NAV3: variants seen among roughly 807,000 people sequenced by gnomAD.
NAV3 encodes pore membrane and/or filament interacting like protein 1.
NAV3 carries 87 observed loss-of-function variants against 244.7 expected under a neutral mutation model. The observed-to-expected ratio is 0.36, with a 90% CI of 0.30 to 0.42. The LOEUF (loss-of-function observed/expected upper bound fraction) is 0.42. Ranked by LOEUF, NAV3 falls within the 20% of genes least tolerant of loss-of-function variation. The probability of loss-of-function intolerance (pLI) is 1.00; values close to 1 mark genes in which losing one functional copy is unlikely to be tolerated. For missense variants in NAV3, 2,663 were observed against 2,893.3 expected (o/e 0.92, Z 1.83); for synonymous variants, 1,126 against 1,042.2 (o/e 1.08, Z -1.55).
chr12:78,122,341 G>A lies in NAV3; in HGVS notation c.4151G>A (p.Gly1384Asp), dbSNP rs1036670272. Residue 1384 changes from glycine to aspartate, a missense_variant, in exon 16 of 40, where the codon GGC becomes GAC. Gly to Asp is a moderately conservative substitution (Grantham distance 94, BLOSUM62 -1). Coordinates refer to ENST00000397909, the MANE Select transcript of NAV3 (RefSeq NM_001024383.2). ...ATTGACCTCCCCCTCAGCCATCATGGCTCCTTGTCTGGACTGACCACAGGC... is the reference window on the plus strand; with the variant it reads ...ATTGACCTCCCCCTCAGCCATCATGACTCCTTGTCTGGACTGACCACAGGC... Reference protein sequence around the residue: ...ESIDLPLSHHGSLSGLTTGTH... With the variant: ...ESIDLPLSHHDSLSGLTTGTH... The A allele has an allele frequency of 6.2e-7, 1 of 1,614,056 alleles. No homozygotes were observed. Among genetic ancestry groups the A allele is most frequent in the Non-Finnish European group, 8.5e-7 (1 of 1,180,000 alleles).
At chr12:77,616,685 C>G (rs1371471546) in intron 2 of NAV3, among the ~76,000 whole-genome samples, 1 of 151,754 alleles carries the variant, frequency 6.6e-6, no homozygotes, top group Non-Finnish European at 1.5e-5. Flanking sequence ...GCTATTTGTA[C>G]TACATGCACA....
chr12:78,122,514 T>G (rs539808043), intron 16 of NAV3, 86 bp downstream of exon 16: 1 of 1,453,530 alleles, frequency 6.9e-7, no homozygotes, highest in African/African-American at 1.4e-5. Flanking sequence ...TCCCTTGATT[T>G]CACTGTGAGT....
chr12:78,040,785 T>A (rs1290753811), intron 9 of NAV3, among the ~76,000 whole-genome samples: 1 of 152,168 alleles, frequency 6.6e-6, no homozygotes, highest in East Asian at 1.9e-4. Context: ...TCACCTACAA[T>A]CTAAGATGCC....
At chr12:78,040,703 T>A (rs981569050) in intron 9 of NAV3, among the ~76,000 whole-genome samples, 13 of 152,148 alleles carry the variant, frequency 8.5e-5, no homozygotes, top group Admixed American at 3.9e-4. Flanking sequence ...TGAGGTCAAT[T>A]ACTTGTACCT....
At chr12:78,027,425 C>T (rs976220097) in intron 9 of NAV3, among the ~76,000 whole-genome samples, 4 of 125,744 alleles carry the variant, frequency 3.2e-5, no homozygotes, top group Non-Finnish European at 6.2e-5. Flanking sequence ...GCCTGGGTGA[C>T]AGAGCAAGAC....
rs1955430737 is a variant in NAV3, at chr12:78,117,160, TATATATATATATATATATATATATATA to T, written c.2769+257_2769+283del. On this transcript the variant is annotated intron_variant, in intron 13 of 39. Coordinates refer to ENST00000397909, the MANE Select transcript of NAV3 (RefSeq NM_001024383.2). ...CAATTTTGAATAAACAGAAGCAGCA[TATATATATATATATATATATATATATA>T]TATATATATGATATACATTACATAT... Among the ~76,000 whole-genome samples, 5 of 108,788 alleles carry T rather than the reference TATATATATATATATATATATATATATA, an allele frequency of 4.6e-5. 1 individual carries two copies. In the East Asian group the frequency reaches 1.3e-3, roughly 29 times the overall value. 71.4% of individuals were successfully genotyped at this position (108,788 alleles called of 152,430 possible).
chr12:78,191,020 C>T (rs541300249), intron 34 of NAV3, among the ~76,000 whole-genome samples: 1 of 152,052 alleles, frequency 6.6e-6, no homozygotes, highest in Non-Finnish European at 1.5e-5. Flanking sequence ...TAAGCAATAC[C>T]TTGAGGGAAT....
intron 8 of NAV3, among the ~76,000 whole-genome samples, chr12:78,019,453 T>A (rs1377521593): frequency 6.6e-6 from 1 of 152,148 alleles, no homozygotes; most frequent in Non-Finnish European, 1.5e-5. Context: ...TAAACATTAA[T>A]CAATTAATTA....
chr12:78,205,074 C>T lies in NAV3; in HGVS notation c.6974C>T (p.Thr2325Ile), dbSNP rs1236857640. The T allele has an allele frequency of 6.2e-7, 1 of 1,613,412 alleles. No individual in the cohort carries two copies. Among genetic ancestry groups the T allele is most frequent in the African/African-American group, 1.3e-5 (1 of 74,888 alleles). Residue 2325 changes from threonine (T) to isoleucine (I), a missense_variant, in exon 39 of 40, where the codon ACA (threonine) becomes ATA (isoleucine). By Grantham distance (89) the Thr-to-Ile change is moderately conservative (BLOSUM62 -1). Coordinates refer to ENST00000397909, the MANE Select transcript of NAV3 (RefSeq NM_001024383.2). Reference protein sequence around the residue: ...RPEDVGYESCTSTKEATTSKH... With the variant: ...RPEDVGYESCISTKEATTSKH... ...GAAGATGTTGGGTATGAAAGCTGCACATCCACTAAGGAAGCCACAACCTCA... is the reference window on the plus strand; with the variant it reads ...GAAGATGTTGGGTATGAAAGCTGCATATCCACTAAGGAAGCCACAACCTCA...
At chr12:77,636,082 A>G (rs373194409) in intron 2 of NAV3, among the ~76,000 whole-genome samples, 2 of 152,206 alleles carry the variant, frequency 1.3e-5, no homozygotes, top group African/African-American at 4.8e-5. Flanking sequence ...CATATTATAA[A>G]AAGCTCATCA....
intron 22 of NAV3, among the ~76,000 whole-genome samples, chr12:78,158,137 A>G (rs1409018464): frequency 1.3e-5 from 2 of 152,166 alleles, no homozygotes; most frequent in Non-Finnish European, 2.9e-5. Flanking sequence ...GTACATGGAG[A>G]TATATTTTAT....
chr12:77,629,520 G>A (rs1871790285), intron 2 of NAV3, among the ~76,000 whole-genome samples: 1 of 152,058 alleles, frequency 6.6e-6, no homozygotes, highest in Non-Finnish European at 1.5e-5. Flanking sequence ...AAAGTTTTGG[G>A]TAATATAGCT....
intron 1 of NAV3, among the ~76,000 whole-genome samples, chr12:77,836,218 A>G (rs546905278): frequency 5.5e-4 from 84 of 152,334 alleles, no homozygotes; most frequent in African/African-American, 1.6e-3. Flanking sequence ...CTCAGCAAAC[A>G]ACATCCAATT....
intron 14 of NAV3, among the ~76,000 whole-genome samples, chr12:78,118,806 T>C (rs1179527981): frequency 6.6e-6 from 1 of 152,184 alleles, no homozygotes; most frequent in African/African-American, 2.4e-5. Flanking sequence ...GCCATACTTT[T>C]TTTAAAAAGA....
chr12:77,702,074 A>G (rs1875587033), intron 2 of NAV3, among the ~76,000 whole-genome samples: 1 of 151,862 alleles, frequency 6.6e-6, no homozygotes, highest in African/African-American at 2.4e-5. Flanking sequence ...CTCCAATGAT[A>G]ATTGTGAAGT....
At chr12:77,898,225 A>T (rs1208890505) in intron 1 of NAV3, among the ~76,000 whole-genome samples, 2 of 152,226 alleles carry the variant, frequency 1.3e-5, no homozygotes, top group Non-Finnish European at 2.9e-5. Flanking sequence ...CTCTAATAAT[A>T]CATTTGCATT....
chr12:77,624,803 A>G (rs1871543488), intron 2 of NAV3, among the ~76,000 whole-genome samples: 1 of 152,254 alleles, frequency 6.6e-6, no homozygotes, highest in Non-Finnish European at 1.5e-5. Flanking sequence ...ATACTGTAGT[A>G]TAATTCAAGG....
In NAV3 at chr12:77,995,433, A is replaced by G. The variant is rs187058991; in HGVS notation, c.740+562A>G. On this transcript the variant is annotated intron_variant, in intron 6 of 39. Transcript: ENST00000397909. ...TACTGTTTGGAAAATAATGACCTAT[A>G]AAAATGTTTTGAAAGAGTTTGATTT... Among the ~76,000 whole-genome samples the G allele has an allele frequency of 1.9e-3, 285 of 152,316 alleles. 2 individuals are homozygous for G. The highest frequency in any genetic ancestry group is 6.7e-3 in the African/African-American group (277 of 41,576).
At chr12:78,114,687 G>A (rs1955281110) in intron 12 of NAV3, among the ~76,000 whole-genome samples, 1 of 152,124 alleles carries the variant, frequency 6.6e-6, no homozygotes, top group Non-Finnish European at 1.5e-5. Flanking sequence ...AATTCAAGAG[G>A]AGATTTGGGT....
Sources: allele counts gnomAD v4.1 joint callset (sites outside exome capture counted in the v4.1 genomes callset), GRCh38; gene constraint gnomAD v4.1.1; transcripts MANE v1.5; gene names NCBI Gene and HGNC (gene_info 2026-07-23, HGNC 2026-07-21).